The following CDIN1 variants were observed in gnomAD, a reference collection of about 807,000 sequenced individuals.
CDIN1 encodes the protein CDAN1-interacting nuclease 1.
In CDIN1, 33 loss-of-function variants were observed where a neutral mutation model predicts 45.3. The ratio of observed to expected loss-of-function variants is 0.73; its 90% CI spans 0.55 to 0.97. The LOEUF is 0.97. Among genes scored for constraint, CDIN1 ranks in the 50% least tolerant of loss-of-function variants. The pLI is 0.00. For synonymous variants in CDIN1, 118 were observed against 124.4 expected (o/e 0.95, Z 0.34); for missense variants, 303 against 339.4 (o/e 0.89, Z 0.84).
Position 36,809,221 on chromosome 15 carries a change from G to A in CDIN1, c.*768G>A. On this transcript the variant is annotated 3_prime_UTR_variant, in exon 11 of 11. Coordinates refer to ENST00000566621, the MANE Select transcript of CDIN1 (RefSeq NM_001321759.2). ...GAAACCACACTCCTTTAGATTGGGG[G>A]CCGAGAGGCGACAACCCAACATTGA... 1 of 265,736 alleles carries A rather than the reference G, an allele frequency of 3.8e-6. No individual in the cohort carries two copies. The highest frequency in any genetic ancestry group is 3.9e-5 in the South Asian group (1 of 25,630). 16.5% of individuals were successfully genotyped at this position (265,736 alleles called of 1,614,324 possible). A position where few individuals can be genotyped will look rare whatever the true frequency, so the allele number is the denominator to read the frequency against.
At chr15:36,702,093 A>C (rs1406581450) in intron 8 of CDIN1, 1 of 702,276 alleles carries the variant, frequency 1.4e-6, no homozygotes, top group Admixed American at 2.0e-5. Context: ...AGTGGCAGAG[A>C]GTAAGAGACC....
intron 10 of CDIN1, among the ~76,000 whole-genome samples, chr15:36,800,095 G>T (rs2141122752): frequency 6.6e-6 from 1 of 152,136 alleles, no homozygotes. Context: ...TTAAATTTTT[G>T]TTCAAAATAA....
rs559911447 is a variant in CDIN1 at position 36,757,597 on chromosome 15, C to T, written c.716+47636C>T. 9.2e-5 allele frequency among the ~76,000 whole-genome samples: 14 copies of T among 152,182 alleles called. No homozygotes were observed. In the East Asian group the frequency reaches 1.5e-3, roughly 17 times the overall value. The stretch of plus-strand genomic sequence containing the variant: ...AGCGTGATGAAACCTCACAGCAGCC[C>T]GCTCCATCCTGCCCACTCATGAGTC... On this transcript the variant is annotated intron_variant, in intron 10 of 10. Transcript: ENST00000566621.
Position 36,736,678 on chromosome 15 carries a change from A to T in CDIN1, c.716+26717A>T, listed in dbSNP as rs965489309. On this transcript the variant is annotated intron_variant, in intron 10 of 10. Coordinates refer to ENST00000566621, the MANE Select transcript of CDIN1 (RefSeq NM_001321759.2). ...TGTTCTAGCAGTATTACCCATCCAG[A>T]TCTCTTTAAAATCTTGGTAAATAAT... Among the ~76,000 whole-genome samples the T allele has an allele frequency of 5.2e-4, 79 of 152,112 alleles. 2 individuals are homozygous for T. Among genetic ancestry groups the T allele is most frequent in the South Asian group, 4.1e-4 (2 of 4,828 alleles).
intron 1 of CDIN1, among the ~76,000 whole-genome samples, chr15:36,587,197 GT>G (rs147534576): frequency 6.6e-6 from 1 of 151,784 alleles, no homozygotes; most frequent in Non-Finnish European, 1.5e-5. Flanking sequence ...TTTGAAGCAT[GT>G]TTTTTTTCTT....
At chr15:36,710,596 T>C (rs535102035) in intron 10 of CDIN1, among the ~76,000 whole-genome samples, 66 of 152,278 alleles carry the variant, frequency 4.3e-4, no homozygotes, top group South Asian at 1.2e-3. Context: ...GCTGCATTTA[T>C]CTCTCACTCC....
intron 10 of CDIN1, among the ~76,000 whole-genome samples, chr15:36,713,739 T>G (rs568597093): frequency 6.6e-6 from 1 of 152,346 alleles, no homozygotes; most frequent in Non-Finnish European, 1.5e-5. Context: ...ACATTTTTAA[T>G]TGCCTTCTTT....
At chr15:36,713,892 T>C (rs1167543151) in intron 10 of CDIN1, among the ~76,000 whole-genome samples, 1 of 152,236 alleles carries the variant, frequency 6.6e-6, no homozygotes, top group Non-Finnish European at 1.5e-5. Flanking sequence ...ATGTCATCGC[T>C]TGTTTACTTG....
intron 10 of CDIN1, among the ~76,000 whole-genome samples, chr15:36,791,769 T>G (rs1214212516): frequency 6.6e-6 from 1 of 152,170 alleles, no homozygotes; most frequent in Non-Finnish European, 1.5e-5. Flanking sequence ...GTTTTAGCAG[T>G]GGTCCTTTCT....
Position 36,594,893 on chromosome 15 carries a change from A to G in CDIN1, c.101+14932A>G, listed in dbSNP as rs540103739. Reference sequence around the variant, plus strand: ...CTCTTTAATACCACCCCATTTCCTCAAAGCTCAGCTTTCTGTTTAGTTGTG... The same window carrying G: ...CTCTTTAATACCACCCCATTTCCTCGAAGCTCAGCTTTCTGTTTAGTTGTG... On this transcript the variant is annotated intron_variant, in intron 1 of 10. Transcript: ENST00000566621. The G allele has an allele frequency of 8.1e-6, 8 of 985,638 alleles. No homozygotes were observed. In the African/African-American group the frequency reaches 1.4e-4, roughly 17 times the overall value. The allele number at this position is 985,638 out of a possible 1,614,324, so 61.1% of individuals were successfully genotyped here. A position where few individuals can be genotyped will look rare whatever the true frequency, so the allele number is the denominator to read the frequency against.
In CDIN1 at chr15:36,709,994, C is replaced by T. The variant is rs371810287; in HGVS notation, c.716+33C>T. On this transcript the variant is annotated intron_variant, in intron 10 of 10. Transcript: ENST00000566621. ...CTCATTATTTTTCTTTTAAGATAAA[C>T]GATACTCAGCTGAAATCTCATTAGA... The T allele has an allele frequency of 4.5e-5, 66 of 1,476,514 alleles. No individual in the cohort carries two copies. In the African/African-American group the frequency reaches 7.2e-4, roughly 16 times the overall value. The allele number at this position is 1,476,514 out of a possible 1,614,324, so 91.5% of individuals were successfully genotyped here.
intron 10 of CDIN1, among the ~76,000 whole-genome samples, chr15:36,773,961 G>GT (rs2054142786): frequency 6.6e-6 from 1 of 152,218 alleles, no homozygotes; most frequent in African/African-American, 2.4e-5. Flanking sequence ...CACACCAGAA[G>GT]CATAGTTTGG....
At chr15:36,661,290 C>T (rs1349032609) in intron 5 of CDIN1, among the ~76,000 whole-genome samples, 1 of 152,156 alleles carries the variant, frequency 6.6e-6, no homozygotes, top group African/African-American at 2.4e-5. Context: ...ATAAAGAGCT[C>T]TTCACTCATC....
At position 36,697,338 on chromosome 15, in the gene CDIN1, G is replaced by A. The variant is rs1360419422; in HGVS notation, c.492G>A (p.Glu164=). 2 of 1,612,566 alleles carry A rather than the reference G, an allele frequency of 1.2e-6. No homozygotes were observed. Among genetic ancestry groups the A allele is most frequent in the Non-Finnish European group, 1.7e-6 (2 of 1,179,370 alleles). ...AACTTCCCAGTGCCATTGGTCATGA[G>A]CATGAGGTCCTGCTGAGAGACTTGC... is the stretch of plus-strand genomic sequence containing the variant. ...VDCIKHAIGH[E]HEVLLRDLLL... is the part of the protein sequence containing the mutation. Residue 164 remains glutamate, a synonymous_variant, in exon 8 of 11, where the codon GAG becomes GAA. Transcript: ENST00000566621.
At chr15:36,730,161 T>A (rs1370080978) in intron 10 of CDIN1, among the ~76,000 whole-genome samples, 1 of 152,154 alleles carries the variant, frequency 6.6e-6, no homozygotes, top group Non-Finnish European at 1.5e-5. Flanking sequence ...CCAATTTAAC[T>A]GTTGTATTTG....
At chr15:36,751,228 TTTA>T (rs1310731492) in intron 10 of CDIN1, among the ~76,000 whole-genome samples, 22 of 65,900 alleles carry the variant, frequency 3.3e-4, no homozygotes, top group African/African-American at 8.6e-4. Context: ...ATATGCTTAT[TTTA>T]TATATATATA....
rs185868835 is a variant in CDIN1 at position 36,773,248 on chromosome 15, A to G, written c.717-35076A>G. On this transcript the variant is annotated intron_variant, in intron 10 of 10. Transcript: ENST00000566621. ...TGAGGGATTTTCAGGATCTAGGGCT[A>G]TTGGTCCCATGGTGGATGGGGCAGT... 1.8e-3 allele frequency among the ~76,000 whole-genome samples: 277 copies of G among 152,260 alleles called. 1 individual carries two copies. The highest frequency in any genetic ancestry group is 6.5e-3 in the African/African-American group (271 of 41,538).
chr15:36,697,673 G>T (rs2042483404), intron 8 of CDIN1, among the ~76,000 whole-genome samples: 1 of 151,982 alleles, frequency 6.6e-6, no homozygotes, highest in Admixed American at 6.6e-5. Flanking sequence ...CCATAATCTA[G>T]CCCTTATGAG....
At chr15:36,723,028 G>C (rs1201477869) in intron 10 of CDIN1, among the ~76,000 whole-genome samples, 1 of 151,508 alleles carries the variant, frequency 6.6e-6, no homozygotes, top group East Asian at 1.9e-4. Flanking sequence ...CTTAAGATCT[G>C]TGTGAATTCT....
Sources: allele counts gnomAD v4.1 joint callset (sites outside exome capture counted in the v4.1 genomes callset), GRCh38; gene constraint gnomAD v4.1.1; transcripts MANE v1.5; gene names NCBI Gene and HGNC (gene_info 2026-07-23, HGNC 2026-07-21).